Variants in CAMK2D observed in about 807,000 individuals in gnomAD.
CAMK2D encodes the protein calcium/calmodulin-dependent protein kinase type II subunit delta.
CAMK2D carries 37 observed loss-of-function variants against 84.0 expected under a neutral mutation model. The observed-to-expected ratio is 0.44, with a 90% confidence interval of 0.34 to 0.58. The LOEUF is 0.58. Ranked by LOEUF, CAMK2D falls within the 20% of genes least tolerant of loss-of-function variation. The pLI, the probability that CAMK2D is intolerant of heterozygous loss-of-function variation, is 0.02. For missense variants in CAMK2D, 448 were observed against 652.5 expected, an observed-to-expected ratio of 0.69 and a Z score of 3.41; for synonymous variants, 202 against 212.5, an observed-to-expected ratio of 0.95 and a Z score of 0.43.
chr4:113,645,514 A>T (rs1025190755), intron 3 of CAMK2D, among the ~76,000 whole-genome samples: 6 of 152,198 alleles, frequency 3.9e-5, no homozygotes, highest in African/African-American at 1.4e-4. Context: ...AAAGTTTGTC[A>T]ATCCTTGTTC....
At chr4:113,571,294 A>C (rs780750765) in intron 4 of CAMK2D, among the ~76,000 whole-genome samples, 15 of 152,182 alleles carry the variant, frequency 9.9e-5, no homozygotes, top group Non-Finnish European at 2.2e-4. Context: ...TATGGGGTAT[A>C]TATTCAAAGG....
chr4:113,607,568 C>T (rs189142173), intron 4 of CAMK2D, among the ~76,000 whole-genome samples: 123 of 152,198 alleles, frequency 8.1e-4, no homozygotes, highest in Middle Eastern at 6.8e-3. Flanking sequence ...CATTCCTTCT[C>T]CTGGACAATG....
intron 16 of CAMK2D, among the ~76,000 whole-genome samples, chr4:113,472,801 A>C (rs987943746): frequency 3.9e-5 from 6 of 152,236 alleles, no homozygotes; most frequent in Non-Finnish European, 7.3e-5. Context: ...GTTATATAGC[A>C]ACAATTTTTG....
chr4:113,613,901 A>C (rs1009539214), intron 3 of CAMK2D, among the ~76,000 whole-genome samples: 17 of 152,032 alleles, frequency 1.1e-4, no homozygotes, highest in Non-Finnish European at 2.1e-4. Flanking sequence ...AGCGAGCGAG[A>C]GAGAGAGAGA....
intron 4 of CAMK2D, among the ~76,000 whole-genome samples, chr4:113,606,798 A>T (rs1199760255): frequency 1.3e-5 from 2 of 152,204 alleles, no homozygotes; most frequent in African/African-American, 2.4e-5. Context: ...CCAAATAAGT[A>T]AACTCCAAAA....
chr4:113,651,794 T>C (rs1592516569), intron 3 of CAMK2D, among the ~76,000 whole-genome samples: 1 of 152,154 alleles, frequency 6.6e-6, no homozygotes, highest in African/African-American at 2.4e-5. Flanking sequence ...TAAAAGACTG[T>C]CTTGTACAGC....
intron 2 of CAMK2D, among the ~76,000 whole-genome samples, chr4:113,697,928 G>T (rs1433331379): frequency 6.6e-6 from 1 of 152,032 alleles, no homozygotes. Flanking sequence ...TCACACAGGA[G>T]AAATCATTTA....
intron 16 of CAMK2D, among the ~76,000 whole-genome samples, chr4:113,494,323 G>A (rs999055353): frequency 1.3e-5 from 2 of 152,310 alleles, no homozygotes; most frequent in African/African-American, 4.8e-5. Context: ...CTTCTGGTGT[G>A]GAAGTCCTTT....
At chr4:113,747,583 G>A (rs1251501100) in intron 2 of CAMK2D, among the ~76,000 whole-genome samples, 1 of 151,998 alleles carries the variant, frequency 6.6e-6, no homozygotes, top group Non-Finnish European at 1.5e-5. Context: ...AATCCATATT[G>A]CAACTATAGG....
In CAMK2D at chr4:113,761,167, G is replaced by A. The variant is rs770821768; in HGVS notation, c.-99C>T. ...CTGGCCCCGCGGCGCTGTCACCCAG[G>A]GCCGCTCTTACTTTCCTGGTCCGAA... On this transcript the variant is annotated 5_prime_UTR_variant, in exon 1 of 21. Coordinates refer to ENST00000511664, the MANE Select transcript of CAMK2D (RefSeq NM_001321571.2). 8.1e-6 allele frequency: 13 copies of A among 1,599,376 alleles called. No individual in the cohort carries two copies. The highest frequency in any genetic ancestry group is 1.0e-5 in the Non-Finnish European group (12 of 1,177,094).
intron 4 of CAMK2D, among the ~76,000 whole-genome samples, chr4:113,589,297 C>T (rs892180120): frequency 6.6e-6 from 1 of 152,062 alleles, no homozygotes; most frequent in African/African-American, 2.4e-5. Flanking sequence ...TACAGTGATC[C>T]AGCAAGCGAT....
At chr4:113,537,748 C>T (rs2098503273) in intron 6 of CAMK2D, among the ~76,000 whole-genome samples, 1 of 152,214 alleles carries the variant, frequency 6.6e-6, no homozygotes, top group African/African-American at 2.4e-5. Context: ...TTTCCAAGGA[C>T]TGCTCAGGAT....
chr4:113,754,135 T>A, intron 2 of CAMK2D: 2 of 890,704 alleles, frequency 2.2e-6, no homozygotes, highest in Non-Finnish European at 2.7e-6. Context: ...TAATACTCCA[T>A]TTAATGCATT....
intron 2 of CAMK2D, among the ~76,000 whole-genome samples, chr4:113,731,736 C>T (rs1272150032): frequency 1.3e-5 from 2 of 152,042 alleles, no homozygotes; most frequent in Non-Finnish European, 2.9e-5. Flanking sequence ...CAGGCGCGCG[C>T]CACTATGCCC....
At chr4:113,513,262 C>T (rs1479925858) in intron 12 of CAMK2D, 66 bp downstream of exon 12, 4 of 1,579,094 alleles carry the variant, frequency 2.5e-6, no homozygotes, top group African/African-American at 1.4e-5. Context: ...ATTCCAGAGA[C>T]AAAAAAACAG....
At chr4:113,693,414 T>G (rs953895996) in intron 2 of CAMK2D, among the ~76,000 whole-genome samples, 3 of 152,154 alleles carry the variant, frequency 2.0e-5, no homozygotes, top group African/African-American at 7.2e-5. Flanking sequence ...GTTTTATTGG[T>G]AGCTTCAGTT....
At chr4:113,557,189 G>A (rs1294436109) in intron 4 of CAMK2D, among the ~76,000 whole-genome samples, 1 of 151,830 alleles carries the variant, frequency 6.6e-6, no homozygotes, top group African/African-American at 2.4e-5. Flanking sequence ...ACTCCTAATG[G>A]GCCCCATTTC....
intron 6 of CAMK2D, among the ~76,000 whole-genome samples, chr4:113,540,944 C>T (rs2098526071): frequency 6.6e-6 from 1 of 152,144 alleles, no homozygotes; most frequent in South Asian, 2.1e-4. Context: ...CTTCCCCACC[C>T]CCACTGCTTC....
chr4:113,664,670 G>A (rs540420112), intron 2 of CAMK2D, among the ~76,000 whole-genome samples: 1 of 152,238 alleles, frequency 6.6e-6, no homozygotes, highest in East Asian at 1.9e-4. Flanking sequence ...AATCACAGAA[G>A]TGATATCCCA....
Sources: gnomAD v4.1 joint callset for allele counts (sites outside exome capture counted in the v4.1 genomes callset) on GRCh38, gnomAD v4.1.1 for gene constraint, MANE v1.5 for transcripts, NCBI Gene and HGNC (gene_info 2026-07-23, HGNC 2026-07-21) for gene names.